Variants in CACNA2D3 observed in about 807,000 individuals in gnomAD.
The protein encoded by CACNA2D3 is calcium voltage-gated channel auxiliary subunit alpha2delta 3, also known as voltage-dependent calcium channel subunit alpha-2/delta-3.
CACNA2D3 carries 60 observed loss-of-function variants against 160.6 expected under a neutral mutation model. That is an observed-to-expected ratio of 0.37 (90% CI 0.30 to 0.46). The LOEUF is 0.46. Among genes scored for constraint, CACNA2D3 ranks in the 20% least tolerant of loss-of-function variants. The probability of loss-of-function intolerance (pLI) is 1.00; values close to 1 mark genes in which losing one functional copy is unlikely to be tolerated. For missense variants in CACNA2D3, 1,205 were observed against 1,365.0 expected (o/e 0.88, Z 1.85); for synonymous variants, 558 against 492.9 (o/e 1.13, Z -1.75).
intron 2 of CACNA2D3, among the ~76,000 whole-genome samples, chr3:54,317,135 GCTC>G (rs1055538125): frequency 3.9e-5 from 6 of 152,288 alleles, no homozygotes; most frequent in African/African-American, 1.4e-4. Context: ...GCAGCAAAGA[GCTC>G]CTGGGAATTT....
chr3:54,483,291 A>T (rs13059503), intron 4 of CACNA2D3, among the ~76,000 whole-genome samples: 1 of 152,156 alleles, frequency 6.6e-6, no homozygotes, highest in Non-Finnish European at 1.5e-5. Context: ...AGCCTAAAAA[A>T]ATTTTGTTTT....
intron 9 of CACNA2D3, among the ~76,000 whole-genome samples, chr3:54,607,422 A>C (rs577676792): frequency 1.3e-5 from 2 of 152,210 alleles, no homozygotes; most frequent in South Asian, 4.2e-4. Flanking sequence ...CCTGGGTTCA[A>C]GTGATTCTCC....
At chr3:54,829,337 T>G (rs1703817796) in intron 14 of CACNA2D3, among the ~76,000 whole-genome samples, 1 of 152,110 alleles carries the variant, frequency 6.6e-6, no homozygotes, top group Admixed American at 6.5e-5. Flanking sequence ...CTGCCCAGTG[T>G]TGAGGATAAG....
At chr3:54,545,051 T>C (rs1702040125) in intron 5 of CACNA2D3, among the ~76,000 whole-genome samples, 1 of 152,234 alleles carries the variant, frequency 6.6e-6, no homozygotes, top group African/African-American at 2.4e-5. Context: ...TCTTAAATGT[T>C]ACCAAGGTGT....
intron 25 of CACNA2D3, among the ~76,000 whole-genome samples, chr3:54,894,391 C>T (rs542057962): frequency 5.0e-4 from 76 of 152,200 alleles, no homozygotes; most frequent in Admixed American, 1.2e-3. Flanking sequence ...AGCACTGTCC[C>T]GGGCAGCAGG....
At chr3:54,858,773 G>A (rs934698744) in intron 17 of CACNA2D3, among the ~76,000 whole-genome samples, 5 of 152,042 alleles carry the variant, frequency 3.3e-5, no homozygotes, top group African/African-American at 1.2e-4. Flanking sequence ...CCCTACAGCT[G>A]GATCTGACAG....
At chr3:54,246,799 T>C in intron 2 of CACNA2D3, among the ~76,000 whole-genome samples, 1 of 152,034 alleles carries the variant, frequency 6.6e-6, no homozygotes, top group East Asian at 1.9e-4. Flanking sequence ...TAACACTGCA[T>C]GAGAACAACA....
At chr3:55,074,068 T>C (rs1575463769) in intron 37 of CACNA2D3, 46 bp from the exon 38 acceptor site, 1 of 1,497,524 alleles carries the variant, frequency 6.7e-7, no homozygotes, top group African/African-American at 1.4e-5. Flanking sequence ...GTTGAAGGTG[T>C]CCTGGAGTCT....
rs1363809970 is a variant in CACNA2D3, at chr3:54,888,330, G to A, written c.2150+278G>A. Among the ~76,000 whole-genome samples, 3 of 152,186 alleles carry A rather than the reference G, an allele frequency of 2.0e-5. No individual in the cohort carries two copies. In the East Asian group the frequency reaches 5.8e-4, roughly 29 times the overall value. On this transcript the variant is annotated intron_variant, in intron 24 of 37. Transcript: ENST00000474759. Reference sequence around the variant, plus strand: ...TTCCGAGAGAGAGGGAGGCGGAAGGGAACTTCGTTGCCTGCCTCGCCACAG... The same window carrying A: ...TTCCGAGAGAGAGGGAGGCGGAAGGAAACTTCGTTGCCTGCCTCGCCACAG...
chr3:54,362,955 G>A (rs1261827993), intron 3 of CACNA2D3, among the ~76,000 whole-genome samples: 2 of 152,202 alleles, frequency 1.3e-5, no homozygotes, highest in Non-Finnish European at 2.9e-5. Flanking sequence ...CCAGCACTTT[G>A]GGAGGCTGAG....
chr3:54,599,099 C>T (rs1559522733), intron 9 of CACNA2D3, among the ~76,000 whole-genome samples: 1 of 152,128 alleles, frequency 6.6e-6, no homozygotes, highest in Non-Finnish European at 1.5e-5. Flanking sequence ...GGTGCGGCCG[C>T]CTTGGCTGTT....
intron 9 of CACNA2D3, among the ~76,000 whole-genome samples, chr3:54,611,307 A>G (rs1471941302): frequency 6.6e-6 from 1 of 152,148 alleles, no homozygotes; most frequent in Non-Finnish European, 1.5e-5. Flanking sequence ...CCTTTCTCAG[A>G]CGGTATTTCT....
chr3:54,415,808 T>C (rs1699745147), intron 4 of CACNA2D3, among the ~76,000 whole-genome samples: 1 of 152,200 alleles, frequency 6.6e-6, no homozygotes, highest in African/African-American at 2.4e-5. Context: ...GAATCACACC[T>C]AAGTCTTTCT....
chr3:54,539,311 A>G (rs1184746749), intron 5 of CACNA2D3, among the ~76,000 whole-genome samples: 1 of 152,222 alleles, frequency 6.6e-6, no homozygotes, highest in Non-Finnish European at 1.5e-5. Context: ...ATACATGACC[A>G]GTGTTATTTT....
intron 11 of CACNA2D3, among the ~76,000 whole-genome samples, chr3:54,670,611 G>A (rs1201734476): frequency 6.6e-6 from 1 of 152,166 alleles, no homozygotes; most frequent in Non-Finnish European, 1.5e-5. Flanking sequence ...TGACAAGGTG[G>A]AATGAAGCCA....
intron 29 of CACNA2D3, among the ~76,000 whole-genome samples, chr3:54,973,806 T>C (rs1444269812): frequency 6.6e-6 from 1 of 152,214 alleles, no homozygotes; most frequent in Non-Finnish European, 1.5e-5. Context: ...CATTAGTTAA[T>C]GCAAAGATAG....
intron 17 of CACNA2D3, among the ~76,000 whole-genome samples, chr3:54,850,167 AG>A (rs528819123): frequency 1.1e-3 from 169 of 152,066 alleles, no homozygotes; most frequent in Non-Finnish European, 1.5e-3. Flanking sequence ...ACTTCCTGAT[AG>A]ATTAACTGAT....
chr3:54,725,146 T>A (rs1701252795), intron 11 of CACNA2D3, among the ~76,000 whole-genome samples: 1 of 152,234 alleles, frequency 6.6e-6, no homozygotes, highest in African/African-American at 2.4e-5. Context: ...TCTATGCAAA[T>A]AAACTAGAAA....
chr3:54,857,972 A>G (rs1006218187), intron 17 of CACNA2D3, among the ~76,000 whole-genome samples: 3 of 152,068 alleles, frequency 2.0e-5, no homozygotes, highest in Non-Finnish European at 2.9e-5. Flanking sequence ...TTGATTTAGA[A>G]GATAGGATTC....
Sources: allele counts gnomAD v4.1 joint callset (sites outside exome capture counted in the v4.1 genomes callset), GRCh38; gene constraint gnomAD v4.1.1; transcripts MANE v1.5; gene names NCBI Gene and HGNC (gene_info 2026-07-23, HGNC 2026-07-21).